The following CSNK1G3 variants were observed in gnomAD, a reference collection of about 807,000 sequenced individuals.
CSNK1G3 encodes the protein casein kinase 1 gamma 3.
A neutral mutation model predicts 64.3 loss-of-function variants in CSNK1G3; 23 were observed. The observed-to-expected ratio is 0.36, with a 90% CI of 0.26 to 0.51. The LOEUF (loss-of-function observed/expected upper bound fraction) is 0.51, where lower values mean the gene tolerates loss of function less well. CSNK1G3 is among the 20% of genes least tolerant of loss of function. The pLI is 0.96. For missense variants in CSNK1G3, 357 were observed against 510.5 expected (o/e 0.70, Z 2.90); for synonymous variants, 158 against 162.2 (o/e 0.97, Z 0.20).
chr5:123,612,183 A>G (rs10067260), intron 12 of CSNK1G3, among the ~76,000 whole-genome samples: 8,093 of 152,256 alleles, frequency 0.053, 330 homozygotes, highest in Non-Finnish European at 0.072. Context: ...CTGGTCCACA[A>G]TTTTAAATTA....
At chr5:123,586,027 A>G (rs558045871) in intron 6 of CSNK1G3, among the ~76,000 whole-genome samples, 4 of 152,242 alleles carry the variant, frequency 2.6e-5, no homozygotes, top group Admixed American at 6.5e-5. Flanking sequence ...CAATAGCCCC[A>G]AACTGGAACC....
At chr5:123,585,588 G>T (rs1791177645) in intron 6 of CSNK1G3, among the ~76,000 whole-genome samples, 1 of 152,148 alleles carries the variant, frequency 6.6e-6, no homozygotes, top group South Asian at 2.1e-4. Context: ...AATAACTTGT[G>T]TCCAGAATAT....
chr5:123,578,458 T>C (rs1190605495), intron 6 of CSNK1G3, among the ~76,000 whole-genome samples: 2 of 151,936 alleles, frequency 1.3e-5, no homozygotes, highest in African/African-American at 2.4e-5. Context: ...GAAAAGTGTG[T>C]GTCATTTCAT....
chr5:123,535,554 T>C (rs1220986670), intron 1 of CSNK1G3, among the ~76,000 whole-genome samples: 2 of 152,148 alleles, frequency 1.3e-5, no homozygotes, highest in Non-Finnish European at 2.9e-5. Context: ...TTGTTAAAAG[T>C]ATTTTTGAAA....
At chr5:123,526,436 A>G (rs905656831) in intron 1 of CSNK1G3, among the ~76,000 whole-genome samples, 15 of 152,022 alleles carry the variant, frequency 9.9e-5, no homozygotes, top group African/African-American at 3.6e-4. Context: ...TAAAGGAAAT[A>G]TTCTCTTTTT....
chr5:123,513,708 A>G (rs1043172746), intron 1 of CSNK1G3, among the ~76,000 whole-genome samples: 3 of 152,372 alleles, frequency 2.0e-5, no homozygotes, highest in South Asian at 2.1e-4. Flanking sequence ...TGAAAAGTAT[A>G]TACTTTTTAA....
intron 12 of CSNK1G3, among the ~76,000 whole-genome samples, chr5:123,611,919 G>A (rs1012735519): frequency 5.3e-5 from 8 of 152,136 alleles, no homozygotes; most frequent in East Asian, 1.9e-4. Flanking sequence ...TTCATTTGGA[G>A]TAAAGGATTT....
intron 4 of CSNK1G3, among the ~76,000 whole-genome samples, chr5:123,568,240 T>C (rs1214766231): frequency 6.6e-6 from 1 of 152,166 alleles, no homozygotes; most frequent in Non-Finnish European, 1.5e-5. Context: ...ATGGTTTCGC[T>C]GGGATTCAGA....
At chr5:123,581,949 T>C (rs866662950) in intron 6 of CSNK1G3, among the ~76,000 whole-genome samples, 5 of 152,010 alleles carry the variant, frequency 3.3e-5, no homozygotes, top group Non-Finnish European at 7.4e-5. Context: ...GGCTTTGTCT[T>C]CTCATGTCTG....
chr5:123,568,051 G>A (rs1787279052), intron 4 of CSNK1G3, among the ~76,000 whole-genome samples: 1 of 152,156 alleles, frequency 6.6e-6, no homozygotes, highest in African/African-American at 2.4e-5. Context: ...AGGTGAATAT[G>A]GCAGATGAGG....
At chr5:123,553,430 A>G (rs1050676125) in intron 3 of CSNK1G3, among the ~76,000 whole-genome samples, 6 of 152,214 alleles carry the variant, frequency 3.9e-5, no homozygotes, top group Non-Finnish European at 8.8e-5. Context: ...AATTTAGGGA[A>G]GGATTTTTAA....
chr5:123,584,181 G>A (rs1790878824), intron 6 of CSNK1G3, among the ~76,000 whole-genome samples: 1 of 151,944 alleles, frequency 6.6e-6, no homozygotes, highest in African/African-American at 2.4e-5. Flanking sequence ...TTGCTTCTTT[G>A]TACTGGCAAG....
At chr5:123,612,480 T>C (rs994682232) in intron 12 of CSNK1G3, among the ~76,000 whole-genome samples, 1 of 139,918 alleles carries the variant, frequency 7.1e-6, no homozygotes, top group African/African-American at 2.6e-5. Flanking sequence ...CTTGAAGCTA[T>C]TTTTTTTTTT....
chr5:123,585,229 A>C (rs1791096402), intron 6 of CSNK1G3, among the ~76,000 whole-genome samples: 1 of 152,186 alleles, frequency 6.6e-6, no homozygotes, highest in African/African-American at 2.4e-5. Context: ...AGTTTTGCCA[A>C]GAAACTATAT....
In CSNK1G3 at chr5:123,540,858, C is replaced by T. The variant is rs568362591; in HGVS notation, c.-247-4559C>T. 4.6e-5 allele frequency among the ~76,000 whole-genome samples: 7 copies of T among 152,268 alleles called. No individual in the cohort carries two copies. In the East Asian group the frequency reaches 1.4e-3, roughly 29 times the overall value. ...GCCAGGCTGGTCTCGAACTTCTGACCTCAAGTGATATATACCCACCTTGGC... is the reference window on the plus strand; with the variant it reads ...GCCAGGCTGGTCTCGAACTTCTGACTTCAAGTGATATATACCCACCTTGGC... On this transcript the variant is annotated intron_variant, in intron 1 of 12. Transcript: ENST00000345990.
intron 10 of CSNK1G3, among the ~76,000 whole-genome samples, chr5:123,600,873 A>T (rs934693816): frequency 6.0e-5 from 9 of 149,344 alleles, no homozygotes; most frequent in African/African-American, 2.2e-4. Flanking sequence ...TCCCTCTTAA[A>T]TTCTGACAGT....
intron 4 of CSNK1G3, among the ~76,000 whole-genome samples, chr5:123,566,955 C>A (rs780719019): frequency 2.0e-5 from 3 of 152,048 alleles, no homozygotes; most frequent in Non-Finnish European, 2.9e-5. Context: ...TGTATTCGTC[C>A]GTTTTCTTGC....
At chr5:123,532,691 C>G (rs1464115486) in intron 1 of CSNK1G3, among the ~76,000 whole-genome samples, 4 of 151,812 alleles carry the variant, frequency 2.6e-5, no homozygotes, top group Admixed American at 2.6e-4. Context: ...TGTAGAGGCA[C>G]TTAATACTTT....
chr5:123,585,366 C>G (rs1791134685), intron 6 of CSNK1G3, among the ~76,000 whole-genome samples: 1 of 151,620 alleles, frequency 6.6e-6, no homozygotes, highest in Non-Finnish European at 1.5e-5. Context: ...TATAAAATTT[C>G]TAGAAGAAAA....
Sources: allele counts gnomAD v4.1 joint callset (sites outside exome capture counted in the v4.1 genomes callset), GRCh38; gene constraint gnomAD v4.1.1; transcripts MANE v1.5; gene names NCBI Gene and HGNC (gene_info 2026-07-23, HGNC 2026-07-21).